Variants in KLRG1 observed in about 807,000 individuals in gnomAD.
KLRG1 encodes the protein killer cell lectin like receptor G1, also known as killer cell lectin-like receptor subfamily G member 1.
In KLRG1, 16 loss-of-function variants were observed where a neutral mutation model predicts 21.8. That is an observed-to-expected ratio of 0.73 (90% CI 0.50 to 1.11). The LOEUF is 1.11. Ranked by LOEUF, KLRG1 falls within the 50% of genes most tolerant of loss-of-function variation. The pLI is 0.00. For missense variants in KLRG1, 173 were observed against 218.3 expected (o/e 0.79, Z 1.31); for synonymous variants, 69 against 75.9 (o/e 0.91, Z 0.47).
chr12:8,968,592 C>T lies in KLRG1; in HGVS notation c.-156+18356C>T, dbSNP rs1243722411. ...TCTGTGGTGGTATAGGAGCCTTGAA[C>T]AGCATATCAGTTAAACTGTTTAATT... On this transcript the variant is annotated intron_variant, in intron 1 of 4. Coordinates refer to the KLRG1 transcript ENST00000539240. 2.6e-5 allele frequency among the ~76,000 whole-genome samples: 4 copies of T among 152,188 alleles called. No individual in the cohort carries two copies. In the East Asian group the frequency reaches 7.7e-4, roughly 29 times the overall value.
At chr12:9,114,843 C>G in the KLRG1 span, among the ~76,000 whole-genome samples, 1 of 152,042 alleles carries the variant, frequency 6.6e-6, no homozygotes, top group South Asian at 2.1e-4. Flanking sequence ...TCTGACTGAG[C>G]TATGTTCAAA....
chr12:9,170,823 T>A, the KLRG1 span, among the ~76,000 whole-genome samples: 9 of 152,088 alleles, frequency 5.9e-5, no homozygotes, highest in African/African-American at 1.9e-4. The surrounding 1 kb of genome is among the most constrained non-coding windows in gnomAD (Gnocchi z 4.6). Flanking sequence ...CCAGCCAGGG[T>A]TCTAAAGACA....
chr12:9,012,767 G>A (rs1947649837), downstream of KLRG1, among the ~76,000 whole-genome samples: 2 of 152,014 alleles, frequency 1.3e-5, no homozygotes, highest in Admixed American at 1.3e-4. Flanking sequence ...TGAGTCAGAG[G>A]GGAGGGAGCC....
the KLRG1 span, among the ~76,000 whole-genome samples, chr12:9,207,358 A>G: frequency 1.3e-5 from 2 of 152,198 alleles, no homozygotes; most frequent in African/African-American, 2.4e-5. Context: ...AAGAGTTCTC[A>G]CCATTCTCTG....
At chr12:8,991,633 T>G (rs1946970273) in intron 1 of KLRG1, among the ~76,000 whole-genome samples, 1 of 150,414 alleles carries the variant, frequency 6.6e-6, no homozygotes, top group South Asian at 2.2e-4. Flanking sequence ...TGACTATATA[T>G]CTTACAAAAT....
the KLRG1 span, among the ~76,000 whole-genome samples, chr12:9,041,392 T>C: frequency 6.6e-6 from 1 of 152,224 alleles, no homozygotes; most frequent in Non-Finnish European, 1.5e-5. Flanking sequence ...ATTGATGCAC[T>C]ATAAACTGCA....
the KLRG1 span, chr12:9,166,347 C>G: frequency 1.4e-6 from 1 of 731,138 alleles, no homozygotes; most frequent in South Asian, 1.8e-5. Flanking sequence ...TTGGGAAATA[C>G]TTTGTGATCC....
At chr12:9,106,009 G>A in the KLRG1 span, among the ~76,000 whole-genome samples, 2 of 152,182 alleles carry the variant, frequency 1.3e-5, no homozygotes, top group East Asian at 3.9e-4. Flanking sequence ...TTTTAATAAG[G>A]CCTTAGGATA....
chr12:9,138,796 C>G, the KLRG1 span, among the ~76,000 whole-genome samples: 2 of 152,008 alleles, frequency 1.3e-5, no homozygotes, highest in East Asian at 3.9e-4. Context: ...CACTTATGAT[C>G]ATTTTTATTT....
At position 8,992,245 on chromosome 12, in the gene KLRG1, T is replaced by TA; in HGVS notation, c.123dup (p.Ala42SerfsTer33). On this transcript the variant is annotated frameshift_variant, in exon 2 of 5. Transcript: ENST00000356986. LOFTEE classifies it high-confidence loss of function. ...CCTTCTTGTTCTTGCCTTGTGGCAA[T>TA]AGCTTTGGGGCTTCTGACTGCAGTT... The TA allele has an allele frequency of 6.2e-7, 1 of 1,613,964 alleles. No homozygotes were observed. Among genetic ancestry groups the TA allele is most frequent in the South Asian group, 1.1e-5 (1 of 91,066 alleles).
the KLRG1 span, among the ~76,000 whole-genome samples, chr12:9,046,437 A>C: frequency 6.6e-6 from 1 of 152,224 alleles, no homozygotes; most frequent in Non-Finnish European, 1.5e-5. Context: ...ATACCAAGAC[A>C]TCTGCACCTA....
downstream of KLRG1, among the ~76,000 whole-genome samples, chr12:9,015,148 G>C (rs1255539350): frequency 6.6e-6 from 1 of 152,086 alleles, no homozygotes; most frequent in Non-Finnish European, 1.5e-5. Context: ...AAAATGGCAG[G>C]AGTATGTTTT....
chr12:9,051,489 A>G, the KLRG1 span, among the ~76,000 whole-genome samples: 1 of 152,130 alleles, frequency 6.6e-6, no homozygotes. Flanking sequence ...AGCTGCGGAG[A>G]GGAGCAATCC....
At chr12:8,989,136 A>G (rs919683069), upstream of KLRG1, among the ~76,000 whole-genome samples, 3 of 152,070 alleles carry the variant, frequency 2.0e-5, no homozygotes, top group Non-Finnish European at 2.9e-5. Context: ...GTAATAGTCT[A>G]TTTCTCCCGT....
chr12:9,160,623 TC>T, the KLRG1 span: 1 of 814,572 alleles, frequency 1.2e-6, no homozygotes, highest in African/African-American at 1.7e-5. Context: ...GAGTGTGACT[TC>T]CAGAATCCTA....
the KLRG1 span, among the ~76,000 whole-genome samples, chr12:9,173,143 C>T: frequency 1.3e-5 from 2 of 152,212 alleles, no homozygotes; most frequent in Non-Finnish European, 2.9e-5. Context: ...ACAGTGCAAT[C>T]AACTTAGAAC....
chr12:9,185,531 G>A, the KLRG1 span, among the ~76,000 whole-genome samples: 4 of 152,084 alleles, frequency 2.6e-5, no homozygotes, highest in Non-Finnish European at 4.4e-5. Flanking sequence ...TCATCCATGA[G>A]AACTTCCCCT....
At chr12:8,980,972 C>T (rs1197416068) in intron 1 of KLRG1, among the ~76,000 whole-genome samples, 5 of 152,204 alleles carry the variant, frequency 3.3e-5, no homozygotes, top group Non-Finnish European at 7.3e-5. Flanking sequence ...TGGGGTTACA[C>T]AGGTAAAATG....
At chr12:9,107,564 C>T in the KLRG1 span, 1 of 1,613,994 alleles carries the variant, frequency 6.2e-7, no homozygotes, top group African/African-American at 1.3e-5. Flanking sequence ...TGAATCTTCA[C>T]CGTGGCAGTC....
Sources: allele counts gnomAD v4.1 joint callset (sites outside exome capture counted in the v4.1 genomes callset), GRCh38; gene constraint gnomAD v4.1.1; non-coding constraint Gnocchi (gnomAD v3.1); transcripts MANE v1.5; gene names NCBI Gene and HGNC (gene_info 2026-07-23, HGNC 2026-07-21).